SRFBP1: variants seen among roughly 807,000 people sequenced by gnomAD.
SRFBP1 encodes serum response factor binding protein 1.
SRFBP1 carries 47 observed loss-of-function variants against 45.5 expected under a neutral mutation model. The ratio of observed to expected loss-of-function variants is 1.03; its 90% CI spans 0.82 to 1.32. SRFBP1 has a LOEUF of 1.32. Ranked by LOEUF, SRFBP1 falls within the 40% of genes most tolerant of loss-of-function variation. The probability of loss-of-function intolerance (pLI) is 0.00; values close to 1 mark genes in which losing one functional copy is unlikely to be tolerated. For missense variants in SRFBP1, 621 were observed against 484.6 expected, an observed-to-expected ratio of 1.28 and a Z score of -2.64; for synonymous variants, 203 against 166.3, an observed-to-expected ratio of 1.22 and a Z score of -1.70.
At chr5:122,007,813 G>T (rs1753009377) in intron 4 of SRFBP1, among the ~76,000 whole-genome samples, 1 of 152,106 alleles carries the variant, frequency 6.6e-6, no homozygotes, top group Non-Finnish European at 1.5e-5. Context: ...TGCCTGCCTG[G>T]TGTTTGTGTC....
At chr5:122,050,543 T>A (rs1753956188) in intron 2 of SRFBP1, among the ~76,000 whole-genome samples, 1 of 152,144 alleles carries the variant, frequency 6.6e-6, no homozygotes, top group Non-Finnish European at 1.5e-5. Context: ...GTGTTCATAG[T>A]AGTCTCTGTT....
intron 2 of SRFBP1, among the ~76,000 whole-genome samples, chr5:122,035,169 T>G (rs1262522049): frequency 6.6e-6 from 1 of 152,174 alleles, no homozygotes; most frequent in African/African-American, 2.4e-5. Context: ...TGTTGTTTGT[T>G]TGTTTTTTCC....
chr5:122,030,331 C>G (rs2112720085), downstream of SRFBP1, among the ~76,000 whole-genome samples: 1 of 152,318 alleles, frequency 6.6e-6, no homozygotes, highest in East Asian at 1.9e-4. Context: ...TTGCCTTATT[C>G]TAATCTGCTT....
At chr5:121,966,214 C>T (rs1752060568) in intron 1 of SRFBP1, among the ~76,000 whole-genome samples, 1 of 152,162 alleles carries the variant, frequency 6.6e-6, no homozygotes. Flanking sequence ...CCAGAACTTC[C>T]AATACTAAGT....
chr5:122,022,320 A>G (rs1351358295), intron 6 of SRFBP1, 50 bp from the exon 7 acceptor site: 1 of 1,503,708 alleles, frequency 6.7e-7, no homozygotes, highest in East Asian at 2.3e-5. Flanking sequence ...TTTTCTTAAG[A>G]TCAGAGGATT....
At chr5:121,985,665 A>G (rs530417855) in intron 3 of SRFBP1, among the ~76,000 whole-genome samples, 45 of 152,064 alleles carry the variant, frequency 3.0e-4, no homozygotes, top group African/African-American at 9.9e-4. Context: ...TATAATACCT[A>G]ACAAGTAAAA....
chr5:122,026,856 A>T, intron 7 of SRFBP1, 86 bp from the exon 8 acceptor site: 4 of 955,308 alleles, frequency 4.2e-6, no homozygotes, highest in Non-Finnish European at 5.8e-6. Flanking sequence ...TTCTTTTTTT[A>T]ACATTGGTTT....
At chr5:122,025,845 A>T (rs1055237813) in intron 7 of SRFBP1, among the ~76,000 whole-genome samples, 2 of 152,216 alleles carry the variant, frequency 1.3e-5, no homozygotes, top group African/African-American at 4.8e-5. Context: ...TCATGCCTGT[A>T]ATCCCAGCAC....
chr5:122,076,936 T>C (rs764007081), downstream of SRFBP1: 97 of 1,613,626 alleles, frequency 6.0e-5, no homozygotes, highest in Non-Finnish European at 8.1e-5. Context: ...AGGTTGTACA[T>C]GGACATCTTC....
intron 4 of SRFBP1, among the ~76,000 whole-genome samples, chr5:121,999,924 CATTTCTATTCAATGTG>C (rs1364780286): frequency 1.3e-5 from 2 of 151,928 alleles, no homozygotes; most frequent in African/African-American, 4.8e-5. Context: ...ATGTTTAAGC[CATTTCTATTCAATGTG>C]ATTATTGATG....
chr5:122,060,586 T>G (rs534544296), intron 2 of SRFBP1, among the ~76,000 whole-genome samples: 60 of 152,160 alleles, frequency 3.9e-4, no homozygotes, highest in Admixed American at 1.4e-3. Flanking sequence ...CAAACTGAGC[T>G]TATGAAATAC....
chr5:122,029,357 G>C (rs1313850597), downstream of SRFBP1, among the ~76,000 whole-genome samples: 1 of 152,124 alleles, frequency 6.6e-6, no homozygotes, highest in African/African-American at 2.4e-5. Flanking sequence ...TGGCTGGTCA[G>C]AACACAAACT....
intron 2 of SRFBP1, among the ~76,000 whole-genome samples, chr5:122,062,870 G>T (rs1580551825): frequency 6.6e-6 from 1 of 152,118 alleles, no homozygotes; most frequent in East Asian, 1.9e-4. Context: ...TTAGATGTGT[G>T]TGTGTGTATG....
At chr5:122,073,080 A>G (rs1754496960) in intron 2 of SRFBP1, among the ~76,000 whole-genome samples, 1 of 152,172 alleles carries the variant, frequency 6.6e-6, no homozygotes. Flanking sequence ...CAATGGTAAC[A>G]TTTAGGTCAC....
At chr5:122,004,664 C>T (rs1422982900) in intron 4 of SRFBP1, among the ~76,000 whole-genome samples, 5 of 152,060 alleles carry the variant, frequency 3.3e-5, no homozygotes, top group Non-Finnish European at 5.9e-5. Context: ...TCATCTGTTT[C>T]TGCTCTAATC....
chr5:121,985,919 G>A (rs1361208760), intron 3 of SRFBP1, among the ~76,000 whole-genome samples: 2 of 151,912 alleles, frequency 1.3e-5, no homozygotes, highest in African/African-American at 4.8e-5. Context: ...GATTAGGAAT[G>A]ATGATGTAAA....
intron 1 of SRFBP1, among the ~76,000 whole-genome samples, chr5:121,969,817 A>G (rs1752150362): frequency 6.6e-6 from 1 of 151,062 alleles, no homozygotes; most frequent in South Asian, 2.1e-4. Context: ...CTGTCTTCAG[A>G]CCCCTTCCTT....
At position 122,049,721 on chromosome 5, in the gene SRFBP1, C is replaced by T. The variant is rs7706442; in HGVS notation, n.312-25594C>T. Among the ~76,000 whole-genome samples, 326 of 152,286 alleles carry T rather than the reference C, an allele frequency of 2.1e-3. 12 individuals are homozygous for T. In the South Asian group the frequency reaches 0.062, roughly 29 times the overall value. ...CAAACTAGAACTCAGGATTAAGAAA[C>T]TCACTCAAAACCGCCAACTACATGG... On this transcript the variant is annotated intron_variant and non_coding_transcript_variant, in intron 2 of 2. Coordinates refer to the SRFBP1 transcript ENST00000504881.
chr5:122,026,917 T>C, intron 7 of SRFBP1, 25 bp from the exon 8 acceptor site: 1 of 1,543,188 alleles, frequency 6.5e-7, no homozygotes, highest in Non-Finnish European at 8.9e-7. Context: ...ATATAGTTAT[T>C]ATTATTTTTG....
Sources: allele counts gnomAD v4.1 joint callset (sites outside exome capture counted in the v4.1 genomes callset), GRCh38; gene constraint gnomAD v4.1.1; transcripts MANE v1.5; gene names NCBI Gene and HGNC (gene_info 2026-07-23, HGNC 2026-07-21).